Variants in ZNF423 observed in about 807,000 individuals in gnomAD.
ZNF423 encodes the protein Ebf-associated zinc finger protein.
Under a neutral mutation model 95.8 loss-of-function variants are expected in ZNF423, and 12 were observed. The ratio of observed to expected loss-of-function variants is 0.13; its 90% confidence interval spans 0.08 to 0.20. The LOEUF (loss-of-function observed/expected upper bound fraction) is 0.20, where lower values mean the gene tolerates loss of function less well. ZNF423 is among the 10% of genes least tolerant of loss of function. The pLI is 1.00. For missense variants in ZNF423, 1,316 were observed against 1,737.1 expected (o/e 0.76, Z 4.31); for synonymous variants, 749 against 711.9 (o/e 1.05, Z -0.83).
At chr16:49,518,805 A>C (rs980959854) in intron 7 of ZNF423, among the ~76,000 whole-genome samples, 2 of 152,240 alleles carry the variant, frequency 1.3e-5, no homozygotes, top group African/African-American at 4.8e-5. Context: ...CTGTAATCCC[A>C]ACACTCTGGG....
chr16:49,530,868 C>A (rs1212849978), intron 5 of ZNF423, among the ~76,000 whole-genome samples: 1 of 152,180 alleles, frequency 6.6e-6, no homozygotes, highest in East Asian at 1.9e-4. Context: ...TGCTGTTCAC[C>A]CCCAGCAGCC....
chr16:49,834,804 C>T (rs1049089363), intron 1 of ZNF423, among the ~76,000 whole-genome samples: 1 of 152,042 alleles, frequency 6.6e-6, no homozygotes, highest in African/African-American at 2.4e-5. Flanking sequence ...GGGGAGAGCG[C>T]CAGGATCAGA....
intron 7 of ZNF423, among the ~76,000 whole-genome samples, chr16:49,521,430 G>T (rs1301134301): frequency 6.6e-6 from 1 of 152,240 alleles, no homozygotes; most frequent in Non-Finnish European, 1.5e-5. Context: ...TAAGGCGGCT[G>T]CATGGACTGC....
chr16:49,491,557 TTTTTTTA>T (rs1966967207), intron 7 of ZNF423, among the ~76,000 whole-genome samples: 1 of 150,094 alleles, frequency 6.7e-6, no homozygotes, highest in African/African-American at 2.5e-5. Context: ...TTTTTTTTTT[TTTTTTTA>T]AAGACCATTC....
At chr16:49,552,315 C>CA (rs1242512572) in intron 5 of ZNF423, among the ~76,000 whole-genome samples, 2 of 152,154 alleles carry the variant, frequency 1.3e-5, no homozygotes, top group Non-Finnish European at 1.5e-5. Context: ...AAAAACTGTG[C>CA]AATGAGGAGG....
intron 7 of ZNF423, among the ~76,000 whole-genome samples, chr16:49,499,636 G>A (rs1967310553): frequency 6.6e-6 from 1 of 152,176 alleles, no homozygotes; most frequent in Non-Finnish European, 1.5e-5. Flanking sequence ...GCGGGGAGGA[G>A]GGTGCCCCCC....
At chr16:49,575,226 T>G (rs1475409924) in intron 5 of ZNF423, among the ~76,000 whole-genome samples, 1 of 152,186 alleles carries the variant, frequency 6.6e-6, no homozygotes, top group African/African-American at 2.4e-5. Context: ...GGGTTTCACT[T>G]GCTTTCAACA....
chr16:49,596,255 G>A (rs1378866826), intron 5 of ZNF423, among the ~76,000 whole-genome samples: 2 of 152,208 alleles, frequency 1.3e-5, no homozygotes, highest in Non-Finnish European at 2.9e-5. Flanking sequence ...TAATAGATTT[G>A]TCAAAGGAGC....
At chr16:49,771,192 C>CTTTT (rs71380376) in intron 2 of ZNF423, among the ~76,000 whole-genome samples, 14 of 89,432 alleles carry the variant, frequency 1.6e-4, no homozygotes, top group East Asian at 3.7e-4. Flanking sequence ...TTTTTTTTTT[C>CTTTT]TTTTTTTTTT....
intron 7 of ZNF423, among the ~76,000 whole-genome samples, chr16:49,496,571 C>G (rs534610043): frequency 1.3e-5 from 2 of 152,282 alleles, no homozygotes; most frequent in South Asian, 4.2e-4. Context: ...CCTGTACAGC[C>G]TATAGAACTG....
chr16:49,612,994 TAA>T (rs535982616), intron 5 of ZNF423, among the ~76,000 whole-genome samples: 2,983 of 138,674 alleles, frequency 0.022, 99 homozygotes, highest in African/African-American at 0.073. Flanking sequence ...TTGAAAACTT[TAA>T]AAAAAAAAAA....
chr16:49,588,512 A>G (rs1342276903), intron 5 of ZNF423, among the ~76,000 whole-genome samples: 2 of 152,202 alleles, frequency 1.3e-5, no homozygotes, highest in Admixed American at 6.5e-5. Context: ...TCTTGGCTTC[A>G]TGAGCAGGTT....
intron 1 of ZNF423, among the ~76,000 whole-genome samples, chr16:49,815,878 AAAAATATATATATATAT>A (rs2034834148): frequency 1.6e-5 from 1 of 61,404 alleles, no homozygotes; most frequent in African/African-American, 7.5e-5. Flanking sequence ...AACAAAAAAA[AAAAATATATATATATAT>A]ATATATATAT....
intron 3 of ZNF423, among the ~76,000 whole-genome samples, chr16:49,717,413 T>C (rs1485702630): frequency 6.6e-6 from 1 of 152,174 alleles, no homozygotes; most frequent in African/African-American, 2.4e-5. Context: ...TGGCCTCAGC[T>C]CCTTCTCTCT....
At chr16:49,627,712 C>T (rs1567513063) in intron 4 of ZNF423, among the ~76,000 whole-genome samples, 2 of 151,294 alleles carry the variant, frequency 1.3e-5, no homozygotes, top group South Asian at 4.2e-4. Context: ...CCCATCCATC[C>T]ATCCATCCAT....
At chr16:49,801,074 T>C (rs1176730662) in intron 1 of ZNF423, among the ~76,000 whole-genome samples, 2 of 152,230 alleles carry the variant, frequency 1.3e-5, no homozygotes, top group Non-Finnish European at 2.9e-5. Flanking sequence ...CCACGTGAAT[T>C]AAAACAATGT....
chr16:49,681,913 G>A (rs561839201), intron 3 of ZNF423, among the ~76,000 whole-genome samples: 28 of 152,170 alleles, frequency 1.8e-4, no homozygotes, highest in African/African-American at 6.0e-4. Flanking sequence ...CTACAGGCAC[G>A]CACCACCATG....
chr16:49,781,884 A>C (rs1305398216), intron 2 of ZNF423, among the ~76,000 whole-genome samples: 1 of 152,204 alleles, frequency 6.6e-6, no homozygotes, highest in Non-Finnish European at 1.5e-5. Context: ...CCCCATTGCC[A>C]GCTCTACCTC....
chr16:49,726,517 A>T (rs1166386400), intron 3 of ZNF423, among the ~76,000 whole-genome samples: 2 of 152,158 alleles, frequency 1.3e-5, no homozygotes, highest in Non-Finnish European at 2.9e-5. Context: ...AAAGGACCCA[A>T]ATTTGCTTGG....
Sources: gnomAD v4.1 joint callset for allele counts (sites outside exome capture counted in the v4.1 genomes callset) on GRCh38, gnomAD v4.1.1 for gene constraint, MANE v1.5 for transcripts, NCBI Gene and HGNC (gene_info 2026-07-23, HGNC 2026-07-21) for gene names.